The following GLB1L3 variants were observed in gnomAD, a reference collection of about 807,000 sequenced individuals.
GLB1L3 encodes galactosidase beta 1 like 3, also known as beta-galactosidase-1-like protein 3.
GLB1L3 carries 89 observed loss-of-function variants against 89.5 expected under a neutral mutation model. The ratio of observed to expected loss-of-function variants is 0.99; its 90% CI spans 0.84 to 1.19. The LOEUF is 1.19. GLB1L3 is among the 50% of genes most tolerant of loss of function. GLB1L3 has a pLI of 0.00. For missense variants in GLB1L3, 812 were observed against 813.3 expected (o/e 1.00, Z 0.02); for synonymous variants, 314 against 312.3 (o/e 1.01, Z -0.06).
At position 134,313,862 on chromosome 11, in the gene GLB1L3, G is replaced by A. The variant is rs1011406397; in HGVS notation, c.1580-79G>A. ...CCTGTCCTAAGGCATGTACAAGTCT[G>A]CATTGCTTTGTCCCAGATGCTAGAG... On this transcript the variant is annotated intron_variant, in intron 16 of 19. Coordinates refer to ENST00000431683, the MANE Select transcript of GLB1L3 (RefSeq NM_001080407.3). The A allele has an allele frequency of 4.5e-6, 4 of 894,564 alleles. No individual in the cohort carries two copies. The East Asian group carries it at 1.0e-4, about 23-fold the overall frequency. 55.4% of individuals were successfully genotyped at this position (894,564 alleles called of 1,614,324 possible). A position where few individuals can be genotyped will look rare whatever the true frequency, so the allele number is the denominator to read the frequency against.
downstream of GLB1L3, among the ~76,000 whole-genome samples, chr11:134,321,630 G>A (rs1018544708): frequency 2.0e-5 from 3 of 152,256 alleles, no homozygotes; most frequent in African/African-American, 7.2e-5. Context: ...GGACATGGAT[G>A]AAGCTGGAAA....
intron 4 of GLB1L3, 93 bp downstream of exon 4, chr11:134,281,538 G>T (rs1388589244): frequency 1.4e-5 from 19 of 1,372,330 alleles, no homozygotes; most frequent in Non-Finnish European, 1.9e-5. Flanking sequence ...AACCAGGGAG[G>T]GACGTGGGTC....
chr11:134,316,028 A>G (rs1381227445), intron 18 of GLB1L3, among the ~76,000 whole-genome samples: 1 of 152,204 alleles, frequency 6.6e-6, no homozygotes, highest in Non-Finnish European at 1.5e-5. Flanking sequence ...TGAACGATTA[A>G]GTAGTCTTTC....
intron 8 of GLB1L3, 126 bp downstream of exon 8, chr11:134,292,339 TC>T: frequency 1.5e-6 from 1 of 647,634 alleles, no homozygotes; most frequent in Non-Finnish European, 2.7e-6. Flanking sequence ...CTGGGATGGA[TC>T]CTGGAGTTCG....
chr11:134,288,725 C>T, intron 6 of GLB1L3, 73 bp from the exon 7 acceptor site: 1 of 1,088,856 alleles, frequency 9.2e-7, no homozygotes, highest in African/African-American at 1.6e-5. Flanking sequence ...CAGCCTTCGG[C>T]AGCAAGCTCA....
intron 9 of GLB1L3, among the ~76,000 whole-genome samples, chr11:134,303,789 C>CTCAGGA (rs1942056686): frequency 6.6e-6 from 1 of 152,038 alleles, no homozygotes. Flanking sequence ...GGAGATTCTA[C>CTCAGGA]TCAGGATCAG....
At chr11:134,304,008 T>C (rs1303458695) in intron 9 of GLB1L3, among the ~76,000 whole-genome samples, 1 of 152,150 alleles carries the variant, frequency 6.6e-6, no homozygotes, top group Non-Finnish European at 1.5e-5. Context: ...TCTTTTTTTG[T>C]TTTCTGCAGT....
chr11:134,295,786 C>T (rs1165406051), intron 9 of GLB1L3, among the ~76,000 whole-genome samples: 7 of 152,140 alleles, frequency 4.6e-5, no homozygotes, highest in South Asian at 2.1e-4. Flanking sequence ...TGCTGCATCT[C>T]GCCAATTTTG....
intron 9 of GLB1L3, among the ~76,000 whole-genome samples, chr11:134,299,979 C>T (rs1344799555): frequency 6.6e-6 from 1 of 152,090 alleles, no homozygotes; most frequent in Non-Finnish European, 1.5e-5. Context: ...GCTTTTGTTC[C>T]CTAGAGAAGA....
chr11:134,289,898 CA>C (rs67400031), intron 7 of GLB1L3, among the ~76,000 whole-genome samples: 15,203 of 152,266 alleles, frequency 0.1, 1,154 homozygotes, highest in Admixed American at 0.23. Context: ...GGCTGCCAAG[CA>C]GAGTGCAGGG....
chr11:134,283,205 G>A (rs372054692), intron 5 of GLB1L3, among the ~76,000 whole-genome samples: 2 of 152,080 alleles, frequency 1.3e-5, no homozygotes, highest in East Asian at 3.9e-4. Context: ...TGGGATTACA[G>A]GCGCCCGCCA....
intron 11 of GLB1L3, chr11:134,310,106 G>A: frequency 2.5e-6 from 1 of 400,540 alleles, no homozygotes; most frequent in Non-Finnish European, 4.5e-6. Flanking sequence ...AAAGAAAAGA[G>A]TACCCGTTGA....
At chr11:134,292,406 A>G (rs893549108) in intron 8 of GLB1L3, 193 bp downstream of exon 8, 61 of 513,300 alleles carry the variant, frequency 1.2e-4, no homozygotes, top group Non-Finnish European at 2.0e-4. Context: ...ACAGCTCCCT[A>G]TCTTGGCCTT....
At chr11:134,293,289 A>C in intron 9 of GLB1L3, 80 bp downstream of exon 9, 1 of 1,229,990 alleles carries the variant, frequency 8.1e-7, no homozygotes, top group South Asian at 1.3e-5. Flanking sequence ...TATTCCGTGA[A>C]AACAGGTTTG....
At chr11:134,286,259 CAAAG>C (rs1269607592) in intron 6 of GLB1L3, among the ~76,000 whole-genome samples, 4 of 152,028 alleles carry the variant, frequency 2.6e-5, no homozygotes, top group Admixed American at 6.6e-5. Context: ...CGAGGGATAA[CAAAG>C]GAAGAATGTG....
At position 134,282,022 on chromosome 11, in the gene GLB1L3, T is replaced by C; in HGVS notation, c.432-3T>C. On this transcript the variant is annotated splice_polypyrimidine_tract_variant and splice_region_variant and intron_variant, in intron 4 of 19. Transcript: ENST00000431683. Reference sequence around the variant, plus strand: ...GAGGGGCTGACGATGTGGACCTCCCTAGGGCCTTCGTCCTGATGGCCGCAG... The same window carrying C: ...GAGGGGCTGACGATGTGGACCTCCCCAGGGCCTTCGTCCTGATGGCCGCAG... The C allele has an allele frequency of 1.3e-6, 2 of 1,568,910 alleles. No individual in the cohort carries two copies. Among genetic ancestry groups the C allele is most frequent in the African/African-American group, 1.4e-5 (1 of 72,734 alleles).
rs913263631 is a variant in GLB1L3, at chr11:134,310,477, C to T, written c.1100-94C>T. The stretch of plus-strand genomic sequence containing the variant: ...TGGAAGGTGTCTTCCTTTTGTCTCA[C>T]TCACGGTGGCCCTGGCCATCTCCTG... On this transcript the variant is annotated intron_variant, in intron 11 of 19. Transcript: ENST00000431683. The T allele has an allele frequency of 5.7e-6, 5 of 879,018 alleles. No individual in the cohort carries two copies. The African/African-American group carries it at 6.6e-5, about 12-fold the overall frequency. 54.5% of individuals were successfully genotyped at this position (879,018 alleles called of 1,614,324 possible).
chr11:134,291,224 A>G (rs1385679187), intron 7 of GLB1L3, among the ~76,000 whole-genome samples: 1 of 151,576 alleles, frequency 6.6e-6, no homozygotes, highest in Admixed American at 6.6e-5. Flanking sequence ...AGTTCTTGAC[A>G]TAAAATTGTG....
downstream of GLB1L3, among the ~76,000 whole-genome samples, chr11:134,322,101 A>G (rs1040976239): frequency 1.3e-5 from 2 of 152,228 alleles, no homozygotes; most frequent in East Asian, 1.9e-4. Context: ...TAAAGATGCA[A>G]TGATCGAAAG....
Sources: gnomAD v4.1 joint callset for allele counts (sites outside exome capture counted in the v4.1 genomes callset) on GRCh38, gnomAD v4.1.1 for gene constraint, MANE v1.5 for transcripts, NCBI Gene and HGNC (gene_info 2026-07-23, HGNC 2026-07-21) for gene names.